Variants in UBXN11 observed in about 807,000 individuals in gnomAD.
UBXN11 encodes UBX domain-containing protein 11.
UBXN11 carries 47 observed loss-of-function variants against 62.8 expected under a neutral mutation model. The observed-to-expected ratio is 0.75, with a 90% CI of 0.59 to 0.95. The LOEUF (loss-of-function observed/expected upper bound fraction) is 0.95, where lower values mean the gene tolerates loss of function less well. Ranked by LOEUF, UBXN11 falls within the 40% of genes least tolerant of loss-of-function variation. The pLI is 0.00. For missense variants in UBXN11, 638 were observed against 661.7 expected, an observed-to-expected ratio of 0.96 and a Z score of 0.39; for synonymous variants, 294 against 267.0, an observed-to-expected ratio of 1.10 and a Z score of -0.99.
Position 26,315,616 on chromosome 1 carries a change from TC to T in UBXN11, c.-149+2430del, listed in dbSNP as rs370681610. On this transcript the variant is annotated intron_variant, in intron 1 of 14. Transcript: ENST00000374217. The stretch of plus-strand genomic sequence containing the variant: ...CCCTCCCCGCCCCTCCCTCTCCACT[TC>T]CTGGCTTTCTCTCATCAGCTTTGAC... Among the ~76,000 whole-genome samples, 719 of 152,338 alleles carry T rather than the reference TC, an allele frequency of 4.7e-3. 4 individuals are homozygous for T. Among genetic ancestry groups the T allele is most frequent in the African/African-American group, 0.017 (703 of 41,590 alleles).
At chr1:26,289,830 G>A (rs532856001) in intron 8 of UBXN11, among the ~76,000 whole-genome samples, 1 of 152,212 alleles carries the variant, frequency 6.6e-6, no homozygotes, top group Non-Finnish European at 1.5e-5. Context: ...CGCCCTCCAT[G>A]TGCCTGCCCT....
chr1:26,282,911 G>C lies in UBXN11; in HGVS notation c.1104C>G (p.Ile368Met). 1.2e-6 allele frequency: 2 copies of C among 1,614,210 alleles called. No individual in the cohort carries two copies. Among genetic ancestry groups the C allele is most frequent in the Middle Eastern group, 3.3e-4 (2 of 6,062 alleles). ...LQNCCPLPAR[I>M]QEIVVETPTL... Reference sequence around the variant, plus strand: ...TGGGCGTCTCCACCACAATCTCCTGGATCCGGGCAGGCAATGGGCAGCAGT... The same window carrying C: ...TGGGCGTCTCCACCACAATCTCCTGCATCCGGGCAGGCAATGGGCAGCAGT... Residue 368 changes from isoleucine (I) to methionine (M), a missense_variant, in exon 13 of 15, where the codon ATC (isoleucine) becomes ATG (methionine). Transcript: ENST00000374222.
rs781045754 is a variant in UBXN11 at position 26,297,980 on chromosome 1, A to G, written c.282T>C (p.Thr94=). 8.7e-6 allele frequency: 14 copies of G among 1,613,768 alleles called. No homozygotes were observed. Among genetic ancestry groups the G allele is most frequent in the Non-Finnish European group, 1.2e-5 (14 of 1,179,936 alleles). ...WDLEQQVKAQ[T]DEILSKDQKI... ...GCCCCACCTTGGACAGTATCTCATC[A>G]GTCTGGGCCTTCACCTGCTGCTCCA... The change falls in exon 5 of 15, where the codon ACT becomes ACC. Residue 94 remains threonine, a synonymous_variant. Coordinates refer to ENST00000374222, the MANE Select transcript of UBXN11 (RefSeq NM_001389556.1).
intron 12 of UBXN11, among the ~76,000 whole-genome samples, 164 bp from the exon 13 acceptor site, chr1:26,283,101 GGAA>G (rs1301604834): frequency 6.6e-6 from 1 of 152,156 alleles, no homozygotes; most frequent in Non-Finnish European, 1.5e-5. Flanking sequence ...CAATGGAAGG[GGAA>G]GAAGGTTCTG....
intron 3 of UBXN11, 113 bp downstream of exon 3, chr1:26,301,581 C>A (rs1362215354): frequency 6.2e-6 from 9 of 1,449,428 alleles, no homozygotes; most frequent in Non-Finnish European, 8.5e-6. Flanking sequence ...ACGGTGGAGG[C>A]CGCTGCTCCA....
At chr1:26,310,512 T>A (rs1257104232), upstream of UBXN11, among the ~76,000 whole-genome samples, 1 of 145,552 alleles carries the variant, frequency 6.9e-6, no homozygotes, top group African/African-American at 2.6e-5. Flanking sequence ...CACTCCAGCC[T>A]GGGCAACAAG....
intron 7 of UBXN11, among the ~76,000 whole-genome samples, chr1:26,295,461 C>T (rs1402378203): frequency 6.6e-6 from 1 of 152,140 alleles, no homozygotes; most frequent in African/African-American, 2.4e-5. Context: ...AATGGCTTCC[C>T]ATTTTTTCGG....
intron 8 of UBXN11, among the ~76,000 whole-genome samples, chr1:26,289,218 C>T (rs377215562): frequency 1.3e-5 from 2 of 152,110 alleles, no homozygotes; most frequent in African/African-American, 2.4e-5. Flanking sequence ...ACAATGAGGA[C>T]GATAAAAGTT....
At position 26,282,667 on chromosome 1, in the gene UBXN11, G is replaced by C; in HGVS notation, c.1274C>G (p.Ala425Gly). The change falls in exon 14 of 15, where the codon GCT (alanine) becomes GGT (glycine). Residue 425 changes from alanine (A) to glycine (G), a missense_variant. Physicochemically the swap from Ala to Gly is moderately conservative, Grantham distance 60 (BLOSUM62 0). Transcript: ENST00000374222. Reference protein sequence around the residue: ...QPDNTIGDVRALLAQARVMDA... With the variant: ...QPDNTIGDVRGLLAQARVMDA... ...CACCCACCTGGCCTGCGCTAGCAGA[G>C]CTCGCACGTCCCCAATGGTGTTGTC... The C allele has an allele frequency of 6.2e-7, 1 of 1,614,142 alleles. No individual in the cohort carries two copies. Among genetic ancestry groups the C allele is most frequent in the South Asian group, 1.1e-5 (1 of 91,090 alleles).
At position 26,297,418 on chromosome 1, in the gene UBXN11, G is replaced by GC; in HGVS notation, c.355+8dup. The GC allele has an allele frequency of 6.5e-7, 1 of 1,539,060 alleles. No homozygotes were observed. The highest frequency in any genetic ancestry group is 2.1e-5 in the Admixed American group (1 of 48,194). On this transcript the variant is annotated intron_variant, in intron 6 of 14. Coordinates refer to ENST00000374222, the MANE Select transcript of UBXN11 (RefSeq NM_001389556.1). ...GGGGGCGCAGGTCAGCCCTCCAAGA[G>GC]CCCCCTACCTGGGTGTGGCCGGAGG...
chr1:26,306,403 G>A (rs1279216110), intron 1 of UBXN11, 189 bp downstream of exon 1: 1 of 152,286 alleles, frequency 6.6e-6, no homozygotes, highest in Non-Finnish European at 1.5e-5. Flanking sequence ...ACGCGCTCAG[G>A]GAGCGACGTC....
At chr1:26,301,105 C>A (rs547409336) in intron 3 of UBXN11, 81 bp from the exon 4 acceptor site, 6 of 1,606,698 alleles carry the variant, frequency 3.7e-6, no homozygotes, top group Non-Finnish European at 5.1e-6. Flanking sequence ...GCCAGTGTGA[C>A]GCGGCCTATG....
upstream of UBXN11, among the ~76,000 whole-genome samples, chr1:26,309,793 A>C (rs78938855): frequency 1.8e-3 from 267 of 152,146 alleles, 1 homozygote; most frequent in African/African-American, 6.1e-3. Flanking sequence ...ATACTAATAG[A>C]ATCTACCTCC....
chr1:26,303,277 G>A (rs1434906370), intron 1 of UBXN11: 1 of 160,778 alleles, frequency 6.2e-6, no homozygotes, highest in Non-Finnish European at 1.4e-5. Flanking sequence ...CAGCCAGCTG[G>A]GTGACACAAA....
At chr1:26,314,832 T>A (rs1178931875) in intron 1 of UBXN11, among the ~76,000 whole-genome samples, 2 of 152,180 alleles carry the variant, frequency 1.3e-5, no homozygotes, top group African/African-American at 4.8e-5. Flanking sequence ...AAGTGGAAAG[T>A]TTCCCTGGGG....
At chr1:26,290,400 T>C (rs1378279918) in intron 8 of UBXN11, among the ~76,000 whole-genome samples, 6 of 152,134 alleles carry the variant, frequency 3.9e-5, no homozygotes, top group Non-Finnish European at 7.4e-5. Context: ...TTTTAGCCCC[T>C]TCCCTCAAGC....
In UBXN11 at chr1:26,296,913, T is replaced by C; in HGVS notation, c.432+6A>G. 1 of 1,601,510 alleles carries C rather than the reference T, an allele frequency of 6.2e-7. No individual in the cohort carries two copies. The highest frequency in any genetic ancestry group is 8.5e-7 in the Non-Finnish European group (1 of 1,173,654). Reference sequence around the variant, plus strand: ...GCCCGCATCCCCCGGGGCCCAGCTCTCTCACCTCCATCTCCCTGACCTGCC... The same window carrying C: ...GCCCGCATCCCCCGGGGCCCAGCTCCCTCACCTCCATCTCCCTGACCTGCC... On this transcript the variant is annotated splice_donor_region_variant and intron_variant, in intron 7 of 14. Transcript: ENST00000374222.
At chr1:26,286,440 G>T (rs2073136042) in intron 8 of UBXN11, among the ~76,000 whole-genome samples, 1 of 152,218 alleles carries the variant, frequency 6.6e-6, no homozygotes, top group African/African-American at 2.4e-5. Context: ...TCCCAGCTCT[G>T]GATCGAGGCC....
At chr1:26,315,993 TCTGTCACCCTGG>T (rs1229580737) in intron 1 of UBXN11, among the ~76,000 whole-genome samples, 1 of 144,840 alleles carries the variant, frequency 6.9e-6, no homozygotes, top group Non-Finnish European at 1.5e-5. Context: ...AGGGTCTTGC[TCTGTCACCCTGG>T]CTGGAGTGCA....
Sources: gnomAD v4.1 joint callset for allele counts (sites outside exome capture counted in the v4.1 genomes callset) on GRCh38, gnomAD v4.1.1 for gene constraint, MANE v1.5 for transcripts, NCBI Gene and HGNC (gene_info 2026-07-23, HGNC 2026-07-21) for gene names.